ACOT7: variants seen among roughly 807,000 people sequenced by gnomAD.
ACOT7 encodes the protein acyl-CoA thioesterase 7.
Under a neutral mutation model 40.2 loss-of-function variants are expected in ACOT7, and 12 were observed. The ratio of observed to expected loss-of-function variants is 0.30; its 90% CI spans 0.19 to 0.48. The LOEUF (loss-of-function observed/expected upper bound fraction) is 0.48, where lower values mean the gene tolerates loss of function less well. Ranked by LOEUF, ACOT7 falls within the 20% of genes least tolerant of loss-of-function variation. The pLI, the probability that ACOT7 is intolerant of heterozygous loss-of-function variation, is 0.99. For synonymous variants in ACOT7, 228 were observed against 219.5 expected, an observed-to-expected ratio of 1.04 and a Z score of -0.34; for missense variants, 395 against 530.8, an observed-to-expected ratio of 0.74 and a Z score of 2.51.
intron 8 of ACOT7, among the ~76,000 whole-genome samples, chr1:6,266,611 C>T (rs1182925788): frequency 6.6e-6 from 1 of 152,268 alleles, no homozygotes; most frequent in African/African-American, 2.4e-5. Flanking sequence ...AAATGGGGCA[C>T]ATCTGAAGTG....
At chr1:6,317,061 T>TG (rs1640515993) in intron 6 of ACOT7, among the ~76,000 whole-genome samples, 1 of 152,142 alleles carries the variant, frequency 6.6e-6, no homozygotes, top group Non-Finnish European at 1.5e-5. Context: ...AAACAGAACT[T>TG]GGTGTTCCAG....
At chr1:6,344,763 C>CAAAAAAAAAAA (rs58594477) in intron 2 of ACOT7, among the ~76,000 whole-genome samples, 42 of 55,998 alleles carry the variant, frequency 7.5e-4, no homozygotes, top group South Asian at 1.4e-3. Context: ...GACTCTGTCT[C>CAAAAAAAAAAA]AAAAAAAAAA....
chr1:6,350,682 G>GCACA (rs1641566471), intron 1 of ACOT7, among the ~76,000 whole-genome samples: 1 of 152,238 alleles, frequency 6.6e-6, no homozygotes, highest in Non-Finnish European at 1.5e-5. Context: ...GACAGGCAGC[G>GCACA]GGCACAGGTC....
chr1:6,370,849 T>G (rs1388279467), intron 1 of ACOT7, among the ~76,000 whole-genome samples: 1 of 145,268 alleles, frequency 6.9e-6, no homozygotes, highest in Non-Finnish European at 1.5e-5. Flanking sequence ...CTCACTCTAT[T>G]GCCCAGGCTG....
rs1414698623 is a variant in ACOT7 at position 6,301,181 on chromosome 1, T to C, written c.713-6201A>G. 6.6e-6 allele frequency among the ~76,000 whole-genome samples: 1 copy of C among 152,070 alleles called. No homozygotes were observed. Among genetic ancestry groups the C allele is most frequent in the African/African-American group, 2.4e-5 (1 of 41,412 alleles). On this transcript the variant is annotated intron_variant, in intron 6 of 8. Coordinates refer to ENST00000361521, the MANE Select transcript of ACOT7 (RefSeq NM_007274.4). This position sits in a 1 kb window ranked among gnomAD's most constrained non-coding sequence, Gnocchi z 4.1. Reference sequence around the variant, plus strand: ...GGGGAAGGAGGAGGGAAAGGAAGGGTTCGTGTTGGATTTAATGTTCAGAAC... The same window carrying C: ...GGGGAAGGAGGAGGGAAAGGAAGGGCTCGTGTTGGATTTAATGTTCAGAAC...
At position 6,363,117 on chromosome 1, in the gene ACOT7, T is replaced by C. The variant is rs576967424; in HGVS notation, c.144-13251A>G. Among the ~76,000 whole-genome samples, 312 of 152,340 alleles carry C rather than the reference T, an allele frequency of 2.0e-3. 2 individuals carry two copies. The highest frequency in any genetic ancestry group is 0.014 in the Middle Eastern group (4 of 294). ...CAATATTATAATAATCCTCGCTCTA[T>C]AATCATAACCTAGGAAAAACCAGGC... On this transcript the variant is annotated intron_variant, in intron 1 of 8. Transcript: ENST00000361521.
chr1:6,312,612 C>A (rs1640370823), intron 6 of ACOT7, among the ~76,000 whole-genome samples: 1 of 152,130 alleles, frequency 6.6e-6, no homozygotes, highest in Non-Finnish European at 1.5e-5. Flanking sequence ...GGATTACAGG[C>A]ACCCGCCATC....
intron 1 of ACOT7, among the ~76,000 whole-genome samples, chr1:6,350,704 A>G (rs1641567105): frequency 6.6e-6 from 1 of 152,208 alleles, no homozygotes; most frequent in African/African-American, 2.4e-5. Flanking sequence ...AGGGTCCAGC[A>G]TCCACCTGCA....
At chr1:6,341,545 A>G (rs1641277595) in intron 2 of ACOT7, among the ~76,000 whole-genome samples, 1 of 152,152 alleles carries the variant, frequency 6.6e-6, no homozygotes, top group Non-Finnish European at 1.5e-5. Flanking sequence ...GATCGAGACC[A>G]TCCTGGCTAA....
At chr1:6,372,912 G>A (rs745412084) in intron 1 of ACOT7, among the ~76,000 whole-genome samples, 9 of 152,158 alleles carry the variant, frequency 5.9e-5, no homozygotes, top group Admixed American at 2.0e-4. Flanking sequence ...ACTAGAGGTA[G>A]GGTATTAATT....
intron 7 of ACOT7, among the ~76,000 whole-genome samples, chr1:6,293,280 GGCTGT>G (rs1165275183): frequency 3.9e-5 from 6 of 152,120 alleles, no homozygotes; most frequent in Non-Finnish European, 8.8e-5. Context: ...TCCCACTATG[GGCTGT>G]GCATCCGTCT....
At chr1:6,354,226 C>A (rs1465284714) in intron 1 of ACOT7, among the ~76,000 whole-genome samples, 1 of 152,158 alleles carries the variant, frequency 6.6e-6, no homozygotes, top group Non-Finnish European at 1.5e-5. Flanking sequence ...GCTGAGCACA[C>A]ATGGGTCAAG....
intron 3 of ACOT7, among the ~76,000 whole-genome samples, chr1:6,334,942 C>T: frequency 6.6e-6 from 1 of 151,922 alleles, no homozygotes; most frequent in South Asian, 2.1e-4. Context: ...TCCCAGCACT[C>T]TGGGAGGCTG....
chr1:6,271,448 C>CA (rs1318661103), intron 8 of ACOT7, among the ~76,000 whole-genome samples: 1 of 152,156 alleles, frequency 6.6e-6, no homozygotes, highest in Non-Finnish European at 1.5e-5. Flanking sequence ...GCAATGAAAA[C>CA]ATCTCATTAT....
chr1:6,360,620 G>A (rs750420310), intron 1 of ACOT7: 10 of 1,614,074 alleles, frequency 6.2e-6, no homozygotes, highest in Middle Eastern at 1.6e-4. Context: ...TTCTGAGGAC[G>A]TTTAGTGACA....
rs1185613650 is a variant in ACOT7 at position 6,359,035 on chromosome 1, G to A, written c.144-9169C>T. ...AGAGGCTGCCTCGCCAATCCAGAGCGTCTACCAGAAACCGGTCGTCATGGA... is the reference window on the plus strand; with the variant it reads ...AGAGGCTGCCTCGCCAATCCAGAGCATCTACCAGAAACCGGTCGTCATGGA... On this transcript the variant is annotated intron_variant, in intron 1 of 8. Coordinates refer to ENST00000361521, the MANE Select transcript of ACOT7 (RefSeq NM_007274.4). This position sits in a 1 kb window ranked among gnomAD's most constrained non-coding sequence, Gnocchi z 4.1. 8 of 872,420 alleles carry A rather than the reference G, an allele frequency of 9.2e-6. No individual in the cohort carries two copies. Among genetic ancestry groups the A allele is most frequent in the East Asian group, 3.1e-5 (1 of 31,908 alleles). 54.0% of individuals were successfully genotyped at this position (872,420 alleles called of 1,614,324 possible). A position where few individuals can be genotyped will look rare whatever the true frequency, so the allele number is the denominator to read the frequency against.
chr1:6,386,347 A>G (rs1367722573), intron 1 of ACOT7, among the ~76,000 whole-genome samples: 1 of 152,110 alleles, frequency 6.6e-6, no homozygotes, highest in Non-Finnish European at 1.5e-5. Flanking sequence ...TTTATTCTTC[A>G]TTGTGGTAAA....
chr1:6,312,377 G>A (rs949980808), intron 6 of ACOT7, among the ~76,000 whole-genome samples: 1 of 152,110 alleles, frequency 6.6e-6, no homozygotes, highest in Non-Finnish European at 1.5e-5. Context: ...ATAAATGCTT[G>A]AGGAAATGGA....
intron 1 of ACOT7, among the ~76,000 whole-genome samples, chr1:6,373,990 ACT>A (rs1363534612): frequency 6.6e-6 from 1 of 152,146 alleles, no homozygotes; most frequent in Non-Finnish European, 1.5e-5. Flanking sequence ...TTCCTGTATA[ACT>A]CTGTTTAAAT....
Sources: allele counts gnomAD v4.1 joint callset (sites outside exome capture counted in the v4.1 genomes callset), GRCh38; gene constraint gnomAD v4.1.1; non-coding constraint Gnocchi (gnomAD v3.1); transcripts MANE v1.5; gene names NCBI Gene and HGNC (gene_info 2026-07-23, HGNC 2026-07-21).